CRYBG2: variants seen among roughly 807,000 people sequenced by gnomAD.
The protein encoded by CRYBG2 is crystallin beta-gamma domain containing 2, also known as beta/gamma crystallin domain-containing protein 2.
A neutral mutation model predicts 153.4 loss-of-function variants in CRYBG2; 106 were observed. That is an observed-to-expected ratio of 0.69 (90% CI 0.59 to 0.81). CRYBG2 has a LOEUF of 0.81. Among genes scored for constraint, CRYBG2 ranks in the 30% least tolerant of loss-of-function variants. The pLI is 0.00. For synonymous variants in CRYBG2, 851 were observed against 877.8 expected, an observed-to-expected ratio of 0.97 and a Z score of 0.54; for missense variants, 1,996 against 2,112.0, an observed-to-expected ratio of 0.95 and a Z score of 1.08.
chr1:26,328,577 A>G (rs756949929), intron 16 of CRYBG2, 157 bp downstream of exon 16: 109 of 1,228,354 alleles, frequency 8.9e-5, no homozygotes, highest in Non-Finnish European at 1.2e-4. Context: ...AGAGCCAGTG[A>G]CCCTTCTCAG....
In CRYBG2 at chr1:26,322,060, G is replaced by C. The variant is rs11247913; in HGVS notation, c.4898-4C>G. 0.72 allele frequency: 1,154,966 copies of C among 1,603,764 alleles called. 422,130 individuals carry two copies. Among genetic ancestry groups the C allele is most frequent in the Non-Finnish European group, 0.76 (891,483 of 1,172,144 alleles). On this transcript the variant is annotated splice_region_variant and splice_polypyrimidine_tract_variant and intron_variant, in intron 19 of 19. Transcript: ENST00000308182. ...TCCCGGTCGTAGCCCCGGCCTCCTG[G>C]GGGTGGGATGGGGATTAAAAGATAG...
At chr1:26,333,608 T>G (rs1433925964) in intron 14 of CRYBG2, among the ~76,000 whole-genome samples, 2 of 150,282 alleles carry the variant, frequency 1.3e-5, no homozygotes, top group African/African-American at 4.9e-5. Context: ...GCTCATATTC[T>G]CTCTCTTCAC....
intron 17 of CRYBG2, among the ~76,000 whole-genome samples, chr1:26,327,650 A>G (rs2073947628): frequency 7.1e-6 from 1 of 140,698 alleles, no homozygotes; most frequent in Admixed American, 7.1e-5. Flanking sequence ...ACTCCATCTC[A>G]AAAAAAAAAA....
chr1:26,345,709 G>A lies in CRYBG2; in HGVS notation c.949C>T (p.Gln317Ter). The part of the protein sequence containing the change: ...DAPAACPDRD[Q>*]GRAPDARACE... ...GCCCTGGCATCCGGGGCTCTGCCCT[G>A]GTCTCTGTCCGGACAGGCTGCAGGG... Residue 317 changes from glutamine (Q) to a stop codon, truncating the protein, a stop_gained, in exon 2 of 20, where the codon CAG becomes TAG. Transcript: ENST00000308182. LOFTEE classifies it high-confidence loss of function. 1 of 1,597,842 alleles carries A rather than the reference G, an allele frequency of 6.3e-7. No individual in the cohort carries two copies. Among genetic ancestry groups the A allele is most frequent in the Non-Finnish European group, 8.5e-7 (1 of 1,179,352 alleles).
At position 26,344,621 on chromosome 1, in the gene CRYBG2, A is replaced by G. The variant is rs892160702; in HGVS notation, c.2037T>C (p.Asp679=). 2.0e-6 allele frequency: 3 copies of G among 1,535,920 alleles called. No homozygotes were observed. Among genetic ancestry groups the G allele is most frequent in the South Asian group, 2.4e-5 (2 of 84,036 alleles). Residue 679 remains aspartate (D), a synonymous_variant, in exon 2 of 20, where the codon GAT becomes GAC. Transcript: ENST00000308182. ...TCCCTTCAGAGTCCTGGACCCCCTT[A>G]TCCTGTTTGGGGAGTGAGGTGGCAG... The part of the protein sequence containing the change: ...IAPATSLPKQ[D]KGVQDSEGSP...
In CRYBG2 at chr1:26,322,241, G is replaced by A. The variant is rs776127768; in HGVS notation, c.4820C>T (p.Pro1607Leu). 2.2e-5 allele frequency: 35 copies of A among 1,614,016 alleles called. No homozygotes were observed. In the Admixed American group the frequency reaches 3.5e-4, roughly 16 times the overall value. ...KVVLWAESRL[P>L]RQTWSISESG... is the part of the protein sequence containing the mutation. Reference sequence around the variant, plus strand: ...TTCACTGATGCTCCACGTCTGGCGCGGCAGGCGGCTCTCGGCCCACAGCAC... The same window carrying A: ...TTCACTGATGCTCCACGTCTGGCGCAGCAGGCGGCTCTCGGCCCACAGCAC... Residue 1607 changes from proline to leucine, a missense_variant, in exon 19 of 20, where the codon CCG (proline) becomes CTG (leucine). Transcript: ENST00000308182.
chr1:26,336,664 T>C lies in CRYBG2; in HGVS notation c.3980A>G (p.Asn1327Ser). 1.3e-6 allele frequency: 2 copies of C among 1,554,906 alleles called. No individual in the cohort carries two copies. Among genetic ancestry groups the C allele is most frequent in the Non-Finnish European group, 1.7e-6 (2 of 1,148,914 alleles). The change falls in exon 12 of 20, where the codon AAC becomes AGC. Residue 1327 changes from asparagine to serine, a missense_variant. Coordinates refer to ENST00000308182, the MANE Select transcript of CRYBG2 (RefSeq NM_001039775.4). The surrounding 1 kb of genome is among the most constrained non-coding windows in gnomAD (Gnocchi z 4.9). Reference sequence around the variant, plus strand: ...GTTGCCAGCGCCCCAGTCCTCGCAGTTACGATACACGCCCTTCTCCAGCAC... The same window carrying C: ...GTTGCCAGCGCCCCAGTCCTCGCAGCTACGATACACGCCCTTCTCCAGCAC... ...QYVLEKGVYR[N>S]CEDWGAGNST...
Position 26,346,225 on chromosome 1 carries a change from C to T in CRYBG2, c.433G>A (p.Val145Ile). ...GGCTCTCGGGGCCCAGGCAGGGGAA[C>T]CAAAAGCTCAGTCCTGGCCATAGCT... ...VGAMARTELL[V>I]PLPGPREPSP... Residue 145 changes from valine (V) to isoleucine (I), a missense_variant, in exon 2 of 20, where the codon GTT becomes ATT. By Grantham distance (29) the Val-to-Ile change is conservative. Transcript: ENST00000308182. The surrounding 1 kb of genome is among the most constrained non-coding windows in gnomAD (Gnocchi z 4.9). The T allele has an allele frequency of 1.3e-6, 2 of 1,573,990 alleles. No homozygotes were observed. Among genetic ancestry groups the T allele is most frequent in the Admixed American group, 1.7e-5 (1 of 57,188 alleles).
Position 26,344,687 on chromosome 1 carries a change from C to G in CRYBG2, c.1971G>C (p.Pro657=). Residue 657 remains proline, a synonymous_variant, in exon 2 of 20, where the codon CCG becomes CCC. Coordinates refer to ENST00000308182, the MANE Select transcript of CRYBG2 (RefSeq NM_001039775.4). ...AVQGIAGSLA[P]PLTKEETVQG... is the part of the protein sequence containing the mutation. ...GAACAGTCTCTTCCTTGGTGAGGGG[C>G]GGGGCAAGGCTGCCTGCAATACCCT... 1 of 1,531,968 alleles carries G rather than the reference C, an allele frequency of 6.5e-7. No homozygotes were observed. Among genetic ancestry groups the G allele is most frequent in the South Asian group, 1.2e-5 (1 of 83,724 alleles). The allele number at this position is 1,531,968 out of a possible 1,614,324, so 94.9% of individuals were successfully genotyped here. A position where few individuals can be genotyped will look rare whatever the true frequency, so the allele number is the denominator to read the frequency against.
In CRYBG2 at chr1:26,343,106, T is replaced by G. The variant is rs929562429; in HGVS notation, c.3015A>C (p.Gly1005=). 3.2e-6 allele frequency: 5 copies of G among 1,550,158 alleles called. No homozygotes were observed. In the Admixed American group the frequency reaches 5.9e-5, roughly 18 times the overall value. Residue 1005 remains glycine, a synonymous_variant, in exon 4 of 20, where the codon GGA becomes GGC. Transcript: ENST00000308182. This position sits in a 1 kb window ranked among gnomAD's most constrained non-coding sequence, Gnocchi z 4.1. ...CCCAGCCTGAGGCATCAACGATGTC[T>G]CCCCAGACCTCCCTGCCACTGCCTT... ...GCQGSGREVW[G]DIVDASGWAP...
At position 26,343,258 on chromosome 1, in the gene CRYBG2, G is replaced by A. The variant is rs1484289946; in HGVS notation, c.2949C>T (p.Thr983=). Residue 983 remains threonine (T), a synonymous_variant, in exon 3 of 20, where the codon ACC becomes ACT. Transcript: ENST00000308182. The surrounding 1 kb of genome is among the most constrained non-coding windows in gnomAD (Gnocchi z 4.1). ...PALKTQGKLN[T]RPGKVIFFSE... ...CCCACAACCCTACCTTTCCAGGCCT[G>A]GTGTTCAGCTTGCCCTGGGTCTTTA... is the stretch of plus-strand genomic sequence containing the variant. 1.9e-6 allele frequency: 3 copies of A among 1,550,084 alleles called. No homozygotes were observed. In the South Asian group the frequency reaches 3.6e-5, roughly 18 times the overall value.
chr1:26,333,936 A>C (rs2074025785), intron 14 of CRYBG2, among the ~76,000 whole-genome samples: 1 of 152,130 alleles, frequency 6.6e-6, no homozygotes, highest in Non-Finnish European at 1.5e-5. Flanking sequence ...CTCCCATCTC[A>C]GCCTCCTGAG....
At chr1:26,329,088 C>G (rs903184840) in intron 15 of CRYBG2, among the ~76,000 whole-genome samples, 2 of 151,964 alleles carry the variant, frequency 1.3e-5, no homozygotes, top group African/African-American at 4.8e-5. Flanking sequence ...CAGTTTCCCC[C>G]TCAAACCTCC....
chr1:26,331,674 A>AG, intron 14 of CRYBG2, 56 bp from the exon 15 acceptor site: 1 of 1,596,960 alleles, frequency 6.3e-7, no homozygotes, highest in South Asian at 1.1e-5. Context: ...TGGCCTGCCC[A>AG]GGTTCCCCTG....
Sources: gnomAD v4.1 joint callset for allele counts (sites outside exome capture counted in the v4.1 genomes callset) on GRCh38, gnomAD v4.1.1 for gene constraint, Gnocchi (gnomAD v3.1) non-coding constraint, MANE v1.5 for transcripts, NCBI Gene and HGNC (gene_info 2026-07-23, HGNC 2026-07-21) for gene names.